The following NOP9 variants were observed in gnomAD, a reference collection of about 807,000 sequenced individuals.
NOP9 encodes the protein NOP9 nucleolar protein, also known as nucleolar protein 9.
Under a neutral mutation model 63.0 loss-of-function variants are expected in NOP9, and 50 were observed. The observed-to-expected ratio is 0.79, with a 90% CI of 0.63 to 1.00. The LOEUF (loss-of-function observed/expected upper bound fraction) is 1.00, where lower values mean the gene tolerates loss of function less well. NOP9 is among the 50% of genes least tolerant of loss of function. NOP9 has a pLI of 0.00. For synonymous variants in NOP9, 343 were observed against 332.8 expected (o/e 1.03, Z -0.33); for missense variants, 758 against 803.0 (o/e 0.94, Z 0.68).
At chr14:24,293,368 G>A in the NOP9 span, 1 of 152,482 alleles carries the variant, frequency 6.6e-6, no homozygotes, top group Non-Finnish European at 1.5e-5. Context: ...GAGCTCAGGA[G>A]TTTGAGACCA....
At chr14:24,291,694 C>T in the NOP9 span, 1 of 1,488,624 alleles carries the variant, frequency 6.7e-7, no homozygotes, top group Non-Finnish European at 9.4e-7. Context: ...CTCCCCATTT[C>T]AACTTCTGTT....
chr14:24,296,055 T>C (rs1202823897), upstream of NOP9, among the ~76,000 whole-genome samples: 1 of 152,230 alleles, frequency 6.6e-6, no homozygotes, highest in Non-Finnish European at 1.5e-5. Flanking sequence ...CTCTCCCAAC[T>C]CTGACCCGGC....
chr14:24,296,378 A>G, upstream of NOP9: 1 of 870,148 alleles, frequency 1.1e-6, no homozygotes, highest in Non-Finnish European at 1.9e-6. Context: ...AAGTGGGACA[A>G]ATGGAATGGA....
chr14:24,285,585 T>C, the NOP9 span, among the ~76,000 whole-genome samples: 1 of 152,320 alleles, frequency 6.6e-6, no homozygotes, highest in Admixed American at 6.5e-5. Context: ...GCAGTAGCAC[T>C]GGCTGCCTCC....
chr14:24,292,488 C>T, the NOP9 span: 1 of 1,483,308 alleles, frequency 6.7e-7, no homozygotes, highest in Non-Finnish European at 9.2e-7. Flanking sequence ...CCTACTCTAG[C>T]CAACCAAGAG....
chr14:24,306,077 G>C lies in NOP9; in HGVS notation c.*982G>C. Reference sequence around the variant, plus strand: ...TGCTTGTACACGTCAAAGGTGAATCGGGCGATGTCCTTGCTGTGCTTGGGC... The same window carrying C: ...TGCTTGTACACGTCAAAGGTGAATCCGGCGATGTCCTTGCTGTGCTTGGGC... On this transcript the variant is annotated 3_prime_UTR_variant, in exon 10 of 10. Transcript: ENST00000267425. 6.2e-7 allele frequency: 1 copy of C among 1,614,080 alleles called. No individual in the cohort carries two copies. Among genetic ancestry groups the C allele is most frequent in the Non-Finnish European group, 8.5e-7 (1 of 1,180,004 alleles).
In NOP9 at chr14:24,304,131, C is replaced by A. The variant is rs2041431328; in HGVS notation, c.1501C>A (p.Leu501Ile). The change falls in exon 8 of 10, where the codon CTT becomes ATT. Residue 501 changes from leucine to isoleucine, a missense_variant. Transcript: ENST00000267425. ...QHLLHFSTPG[L>I]VLRSLGALTG... ...TCTGCTGCACTTCTCCACTCCTGGT[C>A]TTGTACTTCGAAGTCTGGGTGCCTT... 6.2e-7 allele frequency: 1 copy of A among 1,614,130 alleles called. No homozygotes were observed.
Position 24,306,407 on chromosome 14 carries a change from C to T in NOP9, c.*1312C>T. ...GGCTCCAGCTCTGACCAGACTGCAA[C>T]ACCATCAGGCACGTGTCATCCTCCA... is the stretch of plus-strand genomic sequence containing the variant. On this transcript the variant is annotated 3_prime_UTR_variant, in exon 10 of 10. Transcript: ENST00000267425. The T allele has an allele frequency of 1.2e-6, 2 of 1,614,266 alleles. No individual in the cohort carries two copies. Among genetic ancestry groups the T allele is most frequent in the Non-Finnish European group, 1.7e-6 (2 of 1,180,056 alleles).
In NOP9 at chr14:24,302,087, G is replaced by A. The variant is rs76058592; in HGVS notation, c.931G>A (p.Gly311Ser). The change falls in exon 4 of 10, where the codon GGT becomes AGT. Residue 311 changes from glycine to serine, a missense_variant. Coordinates refer to ENST00000267425, the MANE Select transcript of NOP9 (RefSeq NM_174913.3). ...NAVIGYLSTR[G>S]SSVDGSPLLL... Reference sequence around the variant, plus strand: ...TGTGATTGGCTACCTGAGTACTCGCGGTTCCTCAGTAGATGGCAGGTATGG... The same window carrying A: ...TGTGATTGGCTACCTGAGTACTCGCAGTTCCTCAGTAGATGGCAGGTATGG... The A allele has an allele frequency of 6.5e-4, 1,051 of 1,613,798 alleles. 7 individuals are homozygous for A. In the African/African-American group the frequency reaches 0.012, roughly 19 times the overall value.
Position 24,301,606 on chromosome 14 carries a change from C to T in NOP9, c.698-6C>T. The T allele has an allele frequency of 1.2e-6, 2 of 1,614,126 alleles. No homozygotes were observed. Among genetic ancestry groups the T allele is most frequent in the Non-Finnish European group, 1.7e-6 (2 of 1,179,972 alleles). ...CCCACTGCACATGTTCTTAATCTTC[C>T]TTCAGAAGCACAGAAGACCCCAGCT... is the stretch of plus-strand genomic sequence containing the variant. On this transcript the variant is annotated splice_region_variant and splice_polypyrimidine_tract_variant and intron_variant, in intron 2 of 9. Coordinates refer to ENST00000267425, the MANE Select transcript of NOP9 (RefSeq NM_174913.3).
rs1222370795 is a variant in NOP9 at position 24,308,673 on chromosome 14, G to C, written c.*3578G>C. ...GCATCAAGACTTTAGCTTCTGGTGC[G>C]CTGTGTCCCAGCTCTGATTTCAGTT... On this transcript the variant is annotated 3_prime_UTR_variant, in exon 10 of 10. Transcript: ENST00000267425. 1 of 152,284 alleles carries C rather than the reference G, an allele frequency of 6.6e-6. No individual in the cohort carries two copies. Among genetic ancestry groups the C allele is most frequent in the Admixed American group, 6.5e-5 (1 of 15,290 alleles). The allele number at this position is 152,284 out of a possible 1,614,324, so 9.4% of individuals were successfully genotyped here.
intron 5 of NOP9, 22 bp from the exon 6 acceptor site, chr14:24,303,052 T>C: frequency 6.6e-7 from 1 of 1,505,684 alleles, no homozygotes; most frequent in South Asian, 1.3e-5. Flanking sequence ...ATGCCAGAGT[T>C]ACATTCCATG....
rs1297893934 is a variant in NOP9 at position 24,303,152 on chromosome 14, C to T, written c.1222C>T (p.Leu408=). The T allele has an allele frequency of 1.2e-6, 2 of 1,613,634 alleles. No homozygotes were observed. Among genetic ancestry groups the T allele is most frequent in the African/African-American group, 1.3e-5 (1 of 75,016 alleles). The change falls in exon 6 of 10, where the codon CTG becomes TTG. Residue 408 remains leucine, a synonymous_variant. Transcript: ENST00000267425. Reference sequence around the variant, plus strand: ...GGGCCACCCAGGGGTAGTCATTGCCCTGGTGGGGGCCTGTCGCAGAGTTGG... The same window carrying T: ...GGGCCACCCAGGGGTAGTCATTGCCTTGGTGGGGGCCTGTCGCAGAGTTGG... ...AQGHPGVVIA[L]VGACRRVGAY...
At chr14:24,293,000 G>A in the NOP9 span, 4 of 532,340 alleles carry the variant, frequency 7.5e-6, no homozygotes, top group South Asian at 6.0e-5. Flanking sequence ...AGCAATCTTT[G>A]GAAGAAGAAA....
the NOP9 span, among the ~76,000 whole-genome samples, chr14:24,284,775 G>A: frequency 6.6e-6 from 1 of 152,158 alleles, no homozygotes; most frequent in Non-Finnish European, 1.5e-5. Flanking sequence ...GGGTGGGTAG[G>A]AGCCAGGGTG....
At chr14:24,301,208 AT>A (rs977985600) in intron 2 of NOP9, among the ~76,000 whole-genome samples, 2 of 151,406 alleles carry the variant, frequency 1.3e-5, no homozygotes, top group Non-Finnish European at 2.9e-5. Flanking sequence ...CCACTCTGTT[AT>A]TTTTTTTTCC....
rs2139154750 is a variant in NOP9 at position 24,307,935 on chromosome 14, T to C, written c.*2840T>C. ...CTGTGCTGGGGCTTTAGTGGTGTTT[T>C]CTGTTACAAACCTGGGATCTCAGCC... On this transcript the variant is annotated 3_prime_UTR_variant, in exon 10 of 10. Coordinates refer to ENST00000267425, the MANE Select transcript of NOP9 (RefSeq NM_174913.3). The C allele has an allele frequency of 2.3e-6, 3 of 1,332,008 alleles. No individual in the cohort carries two copies. The highest frequency in any genetic ancestry group is 3.2e-6 in the Non-Finnish European group (3 of 946,920). 82.5% of individuals were successfully genotyped at this position (1,332,008 alleles called of 1,614,324 possible).
chr14:24,294,159 A>G, the NOP9 span: 16 of 152,356 alleles, frequency 1.1e-4, no homozygotes, highest in African/African-American at 3.6e-4. Context: ...GTGTTTATAA[A>G]CTTGAGGGAA....
intron 8 of NOP9, 70 bp from the exon 9 acceptor site, chr14:24,304,423 C>T (rs1232932309): frequency 7.0e-7 from 1 of 1,424,902 alleles, no homozygotes; most frequent in Non-Finnish European, 9.6e-7. Flanking sequence ...AGAAAATTCA[C>T]TCTCCACAAG....
Sources: gnomAD v4.1 joint callset for allele counts (sites outside exome capture counted in the v4.1 genomes callset) on GRCh38, gnomAD v4.1.1 for gene constraint, MANE v1.5 for transcripts, NCBI Gene and HGNC (gene_info 2026-07-23, HGNC 2026-07-21) for gene names.